ZEB1: variants seen among roughly 807,000 people sequenced by gnomAD.
ZEB1 encodes the protein zinc finger E-box-binding homeobox 1.
A neutral mutation model predicts 84.9 loss-of-function variants in ZEB1; 21 were observed. The ratio of observed to expected loss-of-function variants is 0.25; its 90% CI spans 0.18 to 0.36. ZEB1 has a LOEUF of 0.36. Ranked by LOEUF, ZEB1 falls within the 10% of genes least tolerant of loss-of-function variation. The pLI, the probability that ZEB1 is intolerant of heterozygous loss-of-function variation, is 1.00. For synonymous variants in ZEB1, 420 were observed against 471.1 expected (o/e 0.89, Z 1.41); for missense variants, 1,104 against 1,330.2 (o/e 0.83, Z 2.65).
chr10:31,420,694 C>T (rs1342823404), intron 1 of ZEB1, among the ~76,000 whole-genome samples: 2 of 152,104 alleles, frequency 1.3e-5, no homozygotes, highest in Non-Finnish European at 2.9e-5. Context: ...ATCATATTCT[C>T]AGGTCCTACT....
At chr10:31,489,267 A>G (rs2066163262) in intron 2 of ZEB1, among the ~76,000 whole-genome samples, 1 of 151,436 alleles carries the variant, frequency 6.6e-6, no homozygotes, top group East Asian at 1.9e-4. Flanking sequence ...ACTTTGTCTG[A>G]TATTACTATA....
At chr10:31,374,172 A>G (rs575842825) in intron 1 of ZEB1, among the ~76,000 whole-genome samples, 1 of 151,958 alleles carries the variant, frequency 6.6e-6, no homozygotes, top group South Asian at 2.1e-4. Flanking sequence ...TAACCATTCT[A>G]TTGTCAAATA....
chr10:31,429,233 TTA>T (rs761605922), intron 1 of ZEB1, among the ~76,000 whole-genome samples: 1 of 152,172 alleles, frequency 6.6e-6, no homozygotes, highest in Non-Finnish European at 1.5e-5. Flanking sequence ...AATGTTTCCT[TTA>T]GGAGCTCTTG....
chr10:31,403,443 T>C lies in ZEB1; in HGVS notation c.59-57594T>C, dbSNP rs114090657. ...CGTGTGCATGTATGTAATGATGGGT[T>C]CTCTAATATTCAGTTTTCTGGCAGA... On this transcript the variant is annotated intron_variant, in intron 1 of 8. Transcript: ENST00000424869. 7.8e-3 allele frequency among the ~76,000 whole-genome samples: 1,180 copies of C among 152,086 alleles called. 13 individuals are homozygous for C. Among genetic ancestry groups the C allele is most frequent in the African/African-American group, 0.026 (1,082 of 41,538 alleles).
upstream of ZEB1, chr10:31,318,854 G>A (rs1163280360): frequency 5.7e-6 from 2 of 348,482 alleles, no homozygotes; most frequent in African/African-American, 4.3e-5. Flanking sequence ...CGGCGGGTGT[G>A]GCCAGCGCGG....
intron 2 of ZEB1, among the ~76,000 whole-genome samples, chr10:31,473,470 C>G (rs928203204): frequency 0.016 from 2,430 of 150,980 alleles, 38 homozygotes; most frequent in African/African-American, 0.017. Flanking sequence ...TTGCTTCAAA[C>G]AGAATAAAAT....
intron 1 of ZEB1, among the ~76,000 whole-genome samples, chr10:31,330,363 G>A (rs1354018817): frequency 1.3e-5 from 2 of 152,088 alleles, no homozygotes; most frequent in African/African-American, 4.8e-5. Flanking sequence ...TGCCTAGTTG[G>A]GGTTTTCAAG....
chr10:31,420,047 A>G (rs1391923185), intron 1 of ZEB1, among the ~76,000 whole-genome samples: 1 of 152,080 alleles, frequency 6.6e-6, no homozygotes, highest in Non-Finnish European at 1.5e-5. Context: ...CTTTGTTCTA[A>G]TGTATACTAC....
chr10:31,353,699 G>C (rs1409981758), intron 1 of ZEB1, among the ~76,000 whole-genome samples: 4 of 152,146 alleles, frequency 2.6e-5, no homozygotes, highest in Non-Finnish European at 5.9e-5. Flanking sequence ...TTTTAAAACA[G>C]GTACTGAATA....
intron 2 of ZEB1, among the ~76,000 whole-genome samples, chr10:31,464,224 G>T (rs2062123727): frequency 6.6e-6 from 1 of 151,946 alleles, no homozygotes; most frequent in African/African-American, 2.4e-5. Flanking sequence ...TGAAAAACAG[G>T]TGCCTGTAGT....
intron 1 of ZEB1, among the ~76,000 whole-genome samples, chr10:31,341,022 T>C (rs192663914): frequency 6.6e-6 from 1 of 152,078 alleles, no homozygotes; most frequent in Non-Finnish European, 1.5e-5. Flanking sequence ...TCTGGAGAGA[T>C]ACGAAACCAA....
At chr10:31,405,036 C>T (rs1218330803) in intron 1 of ZEB1, among the ~76,000 whole-genome samples, 1 of 152,126 alleles carries the variant, frequency 6.6e-6, no homozygotes, top group Non-Finnish European at 1.5e-5. Flanking sequence ...TTATTTTGCA[C>T]TGAGTCTCAC....
intron 1 of ZEB1, among the ~76,000 whole-genome samples, chr10:31,375,460 G>A (rs2046465322): frequency 1.3e-5 from 2 of 151,702 alleles, no homozygotes; most frequent in South Asian, 4.1e-4. Flanking sequence ...GGAGAATTTG[G>A]TATTTAGCCA....
chr10:31,319,357 G>A (rs1021119732), intron 1 of ZEB1, 65 bp downstream of exon 1: 2 of 1,519,610 alleles, frequency 1.3e-6, no homozygotes, highest in Non-Finnish European at 1.8e-6. Context: ...GGGCGCCCCC[G>A]GGGGTGAGGG....
intron 7 of ZEB1, among the ~76,000 whole-genome samples, chr10:31,523,166 G>C (rs1258671951): frequency 6.6e-6 from 1 of 152,166 alleles, no homozygotes; most frequent in African/African-American, 2.4e-5. Flanking sequence ...CAATGGCGTG[G>C]AACACTCTAG....
intron 3 of ZEB1, among the ~76,000 whole-genome samples, chr10:31,499,857 A>C (rs2067858582): frequency 6.6e-6 from 1 of 152,200 alleles, no homozygotes; most frequent in African/African-American, 2.4e-5. Flanking sequence ...GTCAAGATTA[A>C]GATTATGTAG....
intron 1 of ZEB1, chr10:31,321,312 C>T: frequency 7.1e-7 from 1 of 1,408,644 alleles, no homozygotes; most frequent in Non-Finnish European, 9.3e-7. Context: ...ATTAAAATCA[C>T]TGCTTTCGTG....
chr10:31,338,249 TTTTG>T (rs1328039744), intron 1 of ZEB1, among the ~76,000 whole-genome samples: 9 of 152,242 alleles, frequency 5.9e-5, no homozygotes, highest in Admixed American at 2.0e-4. Context: ...TTACATTTTA[TTTTG>T]TTTATCAAAC....
chr10:31,327,281 T>A (rs1409217993), intron 1 of ZEB1, among the ~76,000 whole-genome samples: 1 of 151,974 alleles, frequency 6.6e-6, no homozygotes, highest in Non-Finnish European at 1.5e-5. Context: ...TGGCTGATTT[T>A]TGTATTTTTA....
Sources: gnomAD v4.1 joint callset for allele counts (sites outside exome capture counted in the v4.1 genomes callset) on GRCh38, gnomAD v4.1.1 for gene constraint, MANE v1.5 for transcripts, NCBI Gene and HGNC (gene_info 2026-07-23, HGNC 2026-07-21) for gene names.